TULP4: variants seen among roughly 807,000 people sequenced by gnomAD.
The protein encoded by TULP4 is tubby-related protein 4.
TULP4 carries 16 observed loss-of-function variants against 129.0 expected under a neutral mutation model. The ratio of observed to expected loss-of-function variants is 0.12; its 90% confidence interval spans 0.08 to 0.19. The LOEUF (loss-of-function observed/expected upper bound fraction) is 0.19, where lower values mean the gene tolerates loss of function less well. Among genes scored for constraint, TULP4 ranks in the 10% least tolerant of loss-of-function variants. TULP4 has a pLI of 1.00. For synonymous variants in TULP4, 998 were observed against 854.0 expected (o/e 1.17, Z -2.94); for missense variants, 1,842 against 2,059.1 (o/e 0.89, Z 2.04).
intron 6 of TULP4, among the ~76,000 whole-genome samples, chr6:158,476,591 A>G (rs972743785): frequency 2.0e-5 from 3 of 152,190 alleles, no homozygotes; most frequent in Non-Finnish European, 4.4e-5. Flanking sequence ...TCATCCAACC[A>G]TGCTACCTGC....
upstream of TULP4, among the ~76,000 whole-genome samples, chr6:158,307,996 CT>C (rs1208776348): frequency 1.2e-4 from 17 of 147,762 alleles, no homozygotes; most frequent in Non-Finnish European, 1.8e-4. Flanking sequence ...TTTTTCTTTT[CT>C]TTTTTTTTTC....
intron 1 of TULP4, among the ~76,000 whole-genome samples, chr6:158,408,147 G>A (rs932895174): frequency 6.6e-6 from 1 of 152,156 alleles, no homozygotes; most frequent in African/African-American, 2.4e-5. Flanking sequence ...TTTGTGTGAC[G>A]GAGCGCAGTG....
chr6:158,391,025 T>C (rs1262308145), intron 1 of TULP4, among the ~76,000 whole-genome samples: 2 of 152,118 alleles, frequency 1.3e-5, no homozygotes, highest in African/African-American at 4.8e-5. Context: ...TGCACTGAGC[T>C]ATGATTGCCA....
chr6:158,364,821 C>G (rs1474053294), intron 1 of TULP4, among the ~76,000 whole-genome samples: 1 of 152,194 alleles, frequency 6.6e-6, no homozygotes, highest in South Asian at 2.1e-4. Flanking sequence ...ACTGCAAGCT[C>G]TGCCTCCCAG....
In TULP4 at chr6:158,418,425, A is replaced by G. The variant is rs576415981; in HGVS notation, c.381+5232A>G. 1.2e-3 allele frequency among the ~76,000 whole-genome samples: 170 copies of G among 146,354 alleles called. 2 individuals are homozygous for G. The highest frequency in any genetic ancestry group is 2.0e-3 in the Admixed American group (29 of 14,740). On this transcript the variant is annotated intron_variant, in intron 2 of 13. Coordinates refer to ENST00000367097, the MANE Select transcript of TULP4 (RefSeq NM_020245.5). The stretch of plus-strand genomic sequence containing the variant: ...TTTTTTTTTTTTTTTTTTTTAAGCA[A>G]TTCGATACTTGGTTTTCTCTGGTTT...
At chr6:158,241,676 C>T (rs1352100165) in intron 1 of TULP4, among the ~76,000 whole-genome samples, 2 of 152,136 alleles carry the variant, frequency 1.3e-5, no homozygotes, top group Non-Finnish European at 2.9e-5. Context: ...CTCACCGCAA[C>T]CTCTGCGTCT....
chr6:158,331,862 A>C lies in TULP4; in HGVS notation c.252+17594A>C, dbSNP rs566662330. 1.4e-5 allele frequency among the ~76,000 whole-genome samples: 2 copies of C among 147,610 alleles called. 1 individual carries two copies. Among genetic ancestry groups the C allele is most frequent in the South Asian group, 4.4e-4 (2 of 4,550 alleles). ...GGAAACCACACAGTGGGTTAAACAC[A>C]GGAAGTTTAATATAAAGAATAATTA... is the stretch of plus-strand genomic sequence containing the variant. On this transcript the variant is annotated intron_variant, in intron 1 of 13. Coordinates refer to ENST00000367097, the MANE Select transcript of TULP4 (RefSeq NM_020245.5).
At chr6:158,346,892 T>C (rs1562528801) in intron 1 of TULP4, among the ~76,000 whole-genome samples, 3 of 152,338 alleles carry the variant, frequency 2.0e-5, no homozygotes, top group Middle Eastern at 3.4e-3. Context: ...TGTGTGTGCA[T>C]CTTTTTTGCC....
chr6:158,236,131 A>C (rs921225746), intron 1 of TULP4, among the ~76,000 whole-genome samples: 20 of 152,246 alleles, frequency 1.3e-4, no homozygotes, highest in Non-Finnish European at 5.9e-5. Flanking sequence ...GCTCCTTTAA[A>C]ATTCAATAAA....
rs1331607787 is a variant in TULP4 at position 158,313,615 on chromosome 6, A to G, written c.-402A>G. On this transcript the variant is annotated 5_prime_UTR_variant, in exon 1 of 14. In the 5' UTR this introduces an upstream ATG that the reference lacks. Coordinates refer to ENST00000367097, the MANE Select transcript of TULP4 (RefSeq NM_020245.5). ...TGCAACCCTTTGTCTCTGGAATCAT[A>G]TTACACTAAACTGGAATCTCAGGCT... The G allele has an allele frequency of 3.8e-5, 16 of 419,058 alleles. No individual in the cohort carries two copies. The highest frequency in any genetic ancestry group is 7.9e-5 in the Admixed American group (2 of 25,418). 26.0% of individuals were successfully genotyped at this position (419,058 alleles called of 1,614,324 possible). A position where few individuals can be genotyped will look rare whatever the true frequency, so the allele number is the denominator to read the frequency against.
chr6:158,401,639 G>A (rs1311091162), intron 1 of TULP4, among the ~76,000 whole-genome samples: 1 of 148,810 alleles, frequency 6.7e-6, no homozygotes, highest in Non-Finnish European at 1.5e-5. Flanking sequence ...TGGTCAAGCC[G>A]TTCTAAGCAT....
intron 11 of TULP4, 89 bp downstream of exon 11, chr6:158,494,935 G>T: frequency 9.8e-7 from 1 of 1,019,614 alleles, no homozygotes. Flanking sequence ...ACTAGGAGAT[G>T]AACTTTTAAG....
At chr6:158,335,582 A>G (rs1780014291) in intron 1 of TULP4, among the ~76,000 whole-genome samples, 1 of 152,204 alleles carries the variant, frequency 6.6e-6, no homozygotes, top group South Asian at 2.1e-4. Flanking sequence ...CATCTTGTAG[A>G]TACTAACTTC....
At chr6:158,316,544 G>A (rs117584016) in intron 1 of TULP4, among the ~76,000 whole-genome samples, 4,645 of 152,234 alleles carry the variant, frequency 0.031, 97 homozygotes, top group Non-Finnish European at 0.039. Context: ...ATACATACAG[G>A]CATGCACACA....
rs1235266039 is a variant in TULP4, at chr6:158,314,261, A to G, written c.245A>G (p.Asn82Ser). The G allele has an allele frequency of 6.2e-7, 1 of 1,613,320 alleles. No homozygotes were observed. The highest frequency in any genetic ancestry group is 1.3e-5 in the African/African-American group (1 of 75,042). ...ATAAATTTCAACCTCCGGGGCCACA[A>G]TAGCGAGGTGAGCTGTGGTTTTGTT... ...QRINFNLRGH[N>S]SEVVLVRWNE... The change falls in exon 1 of 14, where the codon AAT (asparagine) becomes AGT (serine). Residue 82 changes from asparagine (N) to serine (S), a missense_variant. Around this residue, in one of 5 missense-constraint regions of TULP4, gnomAD observed 151 missense variants for 268.7 expected, o/e 0.56. Coordinates refer to ENST00000367097, the MANE Select transcript of TULP4 (RefSeq NM_020245.5).
intron 1 of TULP4, among the ~76,000 whole-genome samples, chr6:158,276,936 T>C (rs1262619944): frequency 6.6e-6 from 1 of 152,104 alleles, no homozygotes; most frequent in Non-Finnish European, 1.5e-5. Context: ...CTTTTTTTCC[T>C]TTTTTCTGTT....
chr6:158,324,090 A>G (rs894064273), intron 1 of TULP4, among the ~76,000 whole-genome samples: 1 of 152,194 alleles, frequency 6.6e-6, no homozygotes, highest in African/African-American at 2.4e-5. Flanking sequence ...CTGGAAAGGA[A>G]TTTAAACCGA....
Position 158,255,072 on chromosome 6 carries a change from A to AAAAAC in TULP4, n.68+22784_68+22788dup, listed in dbSNP as rs770423132. On this transcript the variant is annotated intron_variant and non_coding_transcript_variant, in intron 1 of 1. Transcript: ENST00000620026. ...GGGTGACAGAGTGAGACTCTGTCTC[A>AAAAAC]AAAACAAAACAAAACAAAAGCAACA... Among the ~76,000 whole-genome samples the AAAAAC allele has an allele frequency of 5.3e-5, 8 of 152,226 alleles. No homozygotes were observed. In the South Asian group the frequency reaches 1.2e-3, roughly 24 times the overall value.
chr6:158,351,387 G>C (rs1780515999), intron 1 of TULP4, among the ~76,000 whole-genome samples: 1 of 152,190 alleles, frequency 6.6e-6, no homozygotes, highest in Non-Finnish European at 1.5e-5. Context: ...GCAAGACTTG[G>C]TGAGAGTGTT....
Sources: allele counts gnomAD v4.1 joint callset (sites outside exome capture counted in the v4.1 genomes callset), GRCh38; gene constraint gnomAD v4.1.1; regional missense constraint gnomAD v4.1.1; transcripts MANE v1.5; gene names NCBI Gene and HGNC (gene_info 2026-07-23, HGNC 2026-07-21).